Variants in AGAP1 observed in about 807,000 individuals in gnomAD.
AGAP1 encodes arf-GAP with GTPase, ANK repeat and PH domain-containing protein 1.
A neutral mutation model predicts 105.3 loss-of-function variants in AGAP1; 29 were observed. That is an observed-to-expected ratio of 0.28 (90% CI 0.21 to 0.38). The LOEUF (loss-of-function observed/expected upper bound fraction) is 0.38. Ranked by LOEUF, AGAP1 falls within the 10% of genes least tolerant of loss-of-function variation. AGAP1 has a pLI of 1.00. For synonymous variants in AGAP1, 509 were observed against 485.9 expected, an observed-to-expected ratio of 1.05 and a Z score of -0.63; for missense variants, 998 against 1,165.1, an observed-to-expected ratio of 0.86 and a Z score of 2.09.
In AGAP1 at chr2:235,951,728, C is replaced by T. The variant is rs2053747697; in HGVS notation, c.1484-16734C>T. Among the ~76,000 whole-genome samples the T allele has an allele frequency of 1.3e-5, 2 of 152,190 alleles. No individual in the cohort carries two copies. The highest frequency in any genetic ancestry group is 1.3e-4 in the Admixed American group (2 of 15,284). On this transcript the variant is annotated intron_variant, in intron 12 of 17. Transcript: ENST00000304032. The surrounding 1 kb of genome is among the most constrained non-coding windows in gnomAD (Gnocchi z 4.2). ...GTCTGTTGGTACAAAATAAACATTTCCTCCTATCCTGGATGACTGGAGCCT... is the reference window on the plus strand; with the variant it reads ...GTCTGTTGGTACAAAATAAACATTTTCTCCTATCCTGGATGACTGGAGCCT...
chr2:235,528,225 CT>C (rs1942915898), intron 1 of AGAP1, among the ~76,000 whole-genome samples: 1 of 151,576 alleles, frequency 6.6e-6, no homozygotes, highest in Non-Finnish European at 1.5e-5. Flanking sequence ...ACATTCAGGA[CT>C]TTGCATCTGA....
At chr2:235,956,579 A>G (rs1407130352) in intron 12 of AGAP1, among the ~76,000 whole-genome samples, 1 of 152,234 alleles carries the variant, frequency 6.6e-6, no homozygotes, top group African/African-American at 2.4e-5. Flanking sequence ...GTGCAAAGAA[A>G]GTGACAGGAA....
rs1212272733 is a variant in AGAP1 at position 236,119,004 on chromosome 2, T to C, written c.2115-1188T>C. Among the ~76,000 whole-genome samples the C allele has an allele frequency of 6.6e-6, 1 of 152,038 alleles. No individual in the cohort carries two copies. The highest frequency in any genetic ancestry group is 6.6e-5 in the Admixed American group (1 of 15,254). The stretch of plus-strand genomic sequence containing the variant: ...ACATGCCTTACTGTTGGTTTCCTCT[T>C]CTATTTGTTAAGCTTCTCATCTCAT... On this transcript the variant is annotated intron_variant, in intron 16 of 17. Transcript: ENST00000304032. The surrounding 1 kb of genome is among the most constrained non-coding windows in gnomAD (Gnocchi z 6.6).
At position 235,963,946 on chromosome 2, in the gene AGAP1, C is replaced by G. The variant is rs1031840511; in HGVS notation, c.1484-4516C>G. Among the ~76,000 whole-genome samples, 4 of 144,644 alleles carry G rather than the reference C, an allele frequency of 2.8e-5. No homozygotes were observed. The highest frequency in any genetic ancestry group is 6.6e-5 in the Admixed American group (1 of 15,176). The allele number at this position is 144,644 out of a possible 152,430, so 94.9% of individuals were successfully genotyped here. A position where few individuals can be genotyped will look rare whatever the true frequency, so the allele number is the denominator to read the frequency against. ...AGTGTCTTCGAAATAGCGGTGTACA[C>G]TCATAAAAACAACCGCTGGATAACG... On this transcript the variant is annotated intron_variant, in intron 12 of 17. Transcript: ENST00000304032. The surrounding 1 kb of genome is among the most constrained non-coding windows in gnomAD (Gnocchi z 5.1).
At position 235,965,187 on chromosome 2, in the gene AGAP1, G is replaced by T. The variant is rs1343158423; in HGVS notation, c.1484-3275G>T. On this transcript the variant is annotated intron_variant, in intron 12 of 17. Transcript: ENST00000304032. The surrounding 1 kb of genome is among the most constrained non-coding windows in gnomAD (Gnocchi z 5.8). ...GCCCAAGGTGATAGCAGAGAAAGCT[G>T]CCCGGAATGCAAAGGTCAGAGTGAG... is the stretch of plus-strand genomic sequence containing the variant. 2.0e-5 allele frequency among the ~76,000 whole-genome samples: 3 copies of T among 152,228 alleles called. No individual in the cohort carries two copies. The highest frequency in any genetic ancestry group is 4.4e-5 in the Non-Finnish European group (3 of 68,036).
In AGAP1 at chr2:235,578,953, A is replaced by G. The variant is rs1033145708; in HGVS notation, c.163+84104A>G. ...CGGATATAGATATGTAATTTGAATT[A>G]CTTCTGTTTCTTTCTCTTTGCTAGT... On this transcript the variant is annotated intron_variant, in intron 1 of 17. Transcript: ENST00000304032. The surrounding 1 kb of genome is among the most constrained non-coding windows in gnomAD (Gnocchi z 4.9). Among the ~76,000 whole-genome samples the G allele has an allele frequency of 2.0e-5, 3 of 152,110 alleles. No homozygotes were observed. The highest frequency in any genetic ancestry group is 7.2e-5 in the African/African-American group (3 of 41,400).
In AGAP1 at chr2:235,705,121, A is replaced by G. The variant is rs1950475945; in HGVS notation, c.164-4058A>G. 6.6e-6 allele frequency among the ~76,000 whole-genome samples: 1 copy of G among 151,478 alleles called. No homozygotes were observed. The highest frequency in any genetic ancestry group is 6.6e-5 in the Admixed American group (1 of 15,176). ...AGCCTCCCGAGCAGCTGGGATTACAATCATGTGCCACCACGCCTGGCTAAT... is the reference window on the plus strand; with the variant it reads ...AGCCTCCCGAGCAGCTGGGATTACAGTCATGTGCCACCACGCCTGGCTAAT... On this transcript the variant is annotated intron_variant, in intron 1 of 17. Transcript: ENST00000304032. The surrounding 1 kb of genome is among the most constrained non-coding windows in gnomAD (Gnocchi z 4.9).
intron 1 of AGAP1, among the ~76,000 whole-genome samples, chr2:235,677,333 CT>C (rs1948794780): frequency 1.3e-5 from 2 of 152,178 alleles, no homozygotes; most frequent in Admixed American, 1.3e-4. Flanking sequence ...CCTCTCCTCT[CT>C]CATTCAGTAC....
rs1429057628 is a variant in AGAP1, at chr2:235,786,382, C to T, written c.674-11377C>T. 2.0e-5 allele frequency among the ~76,000 whole-genome samples: 3 copies of T among 152,186 alleles called. No individual in the cohort carries two copies. In the East Asian group the frequency reaches 5.8e-4, roughly 29 times the overall value. On this transcript the variant is annotated intron_variant, in intron 6 of 17. Coordinates refer to ENST00000304032, the MANE Select transcript of AGAP1 (RefSeq NM_001037131.3). ...ATCATGAGGAGAATAGCACAGTGAC[C>T]TAGTCTAGAAAGCTCTGCTCTTCGG...
At chr2:235,654,651 T>C (rs995059165) in intron 1 of AGAP1, among the ~76,000 whole-genome samples, 4 of 152,216 alleles carry the variant, frequency 2.6e-5, no homozygotes, top group African/African-American at 9.6e-5. Context: ...AACTAGTTTA[T>C]TAGTAGTCAG....
rs1194275095 is a variant in AGAP1, at chr2:235,608,830, G to A, written c.164-100349G>A. Among the ~76,000 whole-genome samples, 1 of 152,182 alleles carries A rather than the reference G, an allele frequency of 6.6e-6. No homozygotes were observed. Among genetic ancestry groups the A allele is most frequent in the Non-Finnish European group, 1.5e-5 (1 of 68,038 alleles). On this transcript the variant is annotated intron_variant, in intron 1 of 17. Coordinates refer to ENST00000304032, the MANE Select transcript of AGAP1 (RefSeq NM_001037131.3). The surrounding 1 kb of genome is among the most constrained non-coding windows in gnomAD (Gnocchi z 5.4). The stretch of plus-strand genomic sequence containing the variant: ...AGGCCTGGGAGATCAGGGGACAAGG[G>A]TGAAATTCGAATAGATTGTACGAAG...
chr2:236,094,543 G>A (rs2059146198), intron 16 of AGAP1, among the ~76,000 whole-genome samples: 1 of 151,710 alleles, frequency 6.6e-6, no homozygotes, highest in Non-Finnish European at 1.5e-5. Context: ...GTAGAGACCA[G>A]GCTTCACCGT....
chr2:235,999,248 T>C (rs986955047), intron 13 of AGAP1, among the ~76,000 whole-genome samples: 3 of 148,450 alleles, frequency 2.0e-5, no homozygotes, highest in Non-Finnish European at 4.5e-5. Flanking sequence ...GTTATAGTGG[T>C]GGTGACAATG....
At chr2:235,918,092 C>T (rs1016225811) in intron 11 of AGAP1, among the ~76,000 whole-genome samples, 6 of 152,228 alleles carry the variant, frequency 3.9e-5, no homozygotes, top group East Asian at 1.9e-4. Flanking sequence ...CACCTGTCCC[C>T]TGCCGGCATG....
intron 6 of AGAP1, among the ~76,000 whole-genome samples, chr2:235,782,221 A>G (rs1956307809): frequency 6.6e-6 from 1 of 151,730 alleles, no homozygotes; most frequent in Non-Finnish European, 1.5e-5. Context: ...TTGAAGGATA[A>G]CTTTGGCTAC....
Position 235,799,446 on chromosome 2 carries a change from G to T in AGAP1, c.881G>T (p.Arg294Leu), listed in dbSNP as rs564880147. The change falls in exon 8 of 18, where the codon CGG (arginine) becomes CTG (leucine). Residue 294 changes from arginine to leucine, a missense_variant. Transcript: ENST00000304032. The surrounding 1 kb of genome is among the most constrained non-coding windows in gnomAD (Gnocchi z 5.0). ...CCCAGCACCAGCCAGAAGGAACTTC[G>T]GATCGATGTTCCTCCCACTGCCAAC... Reference protein sequence around the residue: ...STPSTSQKELRIDVPPTANTP... With the variant: ...STPSTSQKELLIDVPPTANTP... 11 of 1,614,062 alleles carry T rather than the reference G, an allele frequency of 6.8e-6. No individual in the cohort carries two copies. Among genetic ancestry groups the T allele is most frequent in the Middle Eastern group, 3.3e-4 (2 of 6,084 alleles).
chr2:235,556,369 G>C lies in AGAP1; in HGVS notation c.163+61520G>C, dbSNP rs958785889. On this transcript the variant is annotated intron_variant, in intron 1 of 17. Transcript: ENST00000304032. The surrounding 1 kb of genome is among the most constrained non-coding windows in gnomAD (Gnocchi z 5.3). ...ACCCTTTGCTCCAGTGGCTACAGAA[G>C]AGAGAGGAGGGACACTGACCCCAAG... Among the ~76,000 whole-genome samples the C allele has an allele frequency of 6.6e-6, 1 of 152,264 alleles. No individual in the cohort carries two copies. The highest frequency in any genetic ancestry group is 2.4e-5 in the African/African-American group (1 of 41,478).
At position 235,874,890 on chromosome 2, in the gene AGAP1, A is replaced by T. The variant is rs1387916173; in HGVS notation, c.1051-8455A>T. ...TGAGTTTAAAAACTGGTACTAAAAT[A>T]CCCTCTTATCAGAGAAATTGTCAAT... On this transcript the variant is annotated intron_variant, in intron 9 of 17. Coordinates refer to ENST00000304032, the MANE Select transcript of AGAP1 (RefSeq NM_001037131.3). The surrounding 1 kb of genome is among the most constrained non-coding windows in gnomAD (Gnocchi z 4.5). 6.6e-6 allele frequency among the ~76,000 whole-genome samples: 1 copy of T among 152,080 alleles called. No individual in the cohort carries two copies. The highest frequency in any genetic ancestry group is 1.5e-5 in the Non-Finnish European group (1 of 68,012).
At chr2:235,745,119 ATG>A (rs762878924) in intron 5 of AGAP1, among the ~76,000 whole-genome samples, 2 of 151,996 alleles carry the variant, frequency 1.3e-5, no homozygotes, top group Non-Finnish European at 2.9e-5. Flanking sequence ...AAAAATATAT[ATG>A]TGTGTGTGTA....
Sources: allele counts gnomAD v4.1 joint callset (sites outside exome capture counted in the v4.1 genomes callset), GRCh38; gene constraint gnomAD v4.1.1; non-coding constraint Gnocchi (gnomAD v3.1); transcripts MANE v1.5; gene names NCBI Gene and HGNC (gene_info 2026-07-23, HGNC 2026-07-21).